Variants in ADAM10 observed in about 807,000 individuals in gnomAD.
The protein encoded by ADAM10 is ADAM metallopeptidase domain 10.
Under a neutral mutation model 90.1 loss-of-function variants are expected in ADAM10, and 17 were observed. That is an observed-to-expected ratio of 0.19 (90% CI 0.13 to 0.28). The LOEUF is 0.28. ADAM10 is among the 10% of genes least tolerant of loss of function. The probability of loss-of-function intolerance (pLI) is 1.00; values close to 1 mark genes in which losing one functional copy is unlikely to be tolerated. For synonymous variants in ADAM10, 310 were observed against 298.6 expected, an observed-to-expected ratio of 1.04 and a Z score of -0.40; for missense variants, 610 against 914.3, an observed-to-expected ratio of 0.67 and a Z score of 4.29.
At chr15:58,660,957 G>T (rs1398849053) in intron 5 of ADAM10, among the ~76,000 whole-genome samples, 1 of 152,210 alleles carries the variant, frequency 6.6e-6, no homozygotes, top group African/African-American at 2.4e-5. Context: ...ACTTACAAAA[G>T]CAAACATCTG....
chr15:58,729,334 T>C (rs1008523871), intron 1 of ADAM10, among the ~76,000 whole-genome samples: 1 of 152,250 alleles, frequency 6.6e-6, no homozygotes, highest in Non-Finnish European at 1.5e-5. Flanking sequence ...TTAAATCTTG[T>C]TCCGTATCTA....
intron 2 of ADAM10, among the ~76,000 whole-genome samples, chr15:58,700,524 A>T (rs192973758): frequency 6.6e-6 from 1 of 152,324 alleles, no homozygotes; most frequent in East Asian, 1.9e-4. Flanking sequence ...AAAACAAATG[A>T]AACGAATGAA....
At chr15:58,717,763 T>C (rs372164405) in intron 1 of ADAM10, 36 bp from the exon 2 acceptor site, 5 of 1,596,604 alleles carry the variant, frequency 3.1e-6, no homozygotes, top group Non-Finnish European at 4.3e-6. Context: ...ATTAGTATCA[T>C]CTTGAAGACC....
rs1894807042 is a variant in ADAM10 at position 58,590,742 on chromosome 15, A to T, written c.*6805T>A. The T allele has an allele frequency of 6.6e-6, 1 of 152,248 alleles. No individual in the cohort carries two copies. Among genetic ancestry groups the T allele is most frequent in the Non-Finnish European group, 1.5e-5 (1 of 68,046 alleles). 9.4% of individuals were successfully genotyped at this position (152,248 alleles called of 1,614,324 possible). A position where few individuals can be genotyped will look rare whatever the true frequency, so the allele number is the denominator to read the frequency against. On this transcript the variant is annotated 3_prime_UTR_variant, in exon 16 of 16. Coordinates refer to ENST00000260408, the MANE Select transcript of ADAM10 (RefSeq NM_001110.4). ...CCCATACCCAAAGGGCAAGGGAAGA[A>T]AACGATAATAAAATATTCATTTAAA... is the stretch of plus-strand genomic sequence containing the variant.
rs921458641 is a variant in ADAM10, at chr15:58,704,903, A to G, written c.206+12674T>C. Among the ~76,000 whole-genome samples, 5 of 152,234 alleles carry G rather than the reference A, an allele frequency of 3.3e-5. No homozygotes were observed. The East Asian group carries it at 9.6e-4, about 29-fold the overall frequency. The stretch of plus-strand genomic sequence containing the variant: ...GCATATTGCTCTTTCTACTGTATCA[A>G]GAATGCCTCTCAAGCATATGATGGA... On this transcript the variant is annotated intron_variant, in intron 2 of 15. Coordinates refer to ENST00000260408, the MANE Select transcript of ADAM10 (RefSeq NM_001110.4).
At chr15:58,683,026 C>T (rs562122021) in intron 2 of ADAM10, among the ~76,000 whole-genome samples, 2 of 152,226 alleles carry the variant, frequency 1.3e-5, no homozygotes, top group South Asian at 4.2e-4. Flanking sequence ...AATTTACTAG[C>T]TCAGGTTCCT....
chr15:58,663,418 G>C (rs1380465136), intron 5 of ADAM10, among the ~76,000 whole-genome samples: 1 of 152,082 alleles, frequency 6.6e-6, no homozygotes, highest in Admixed American at 6.5e-5. Context: ...TATTCCGCTA[G>C]TTAATTTGTC....
chr15:58,671,794 T>C (rs1420217852), intron 4 of ADAM10, among the ~76,000 whole-genome samples: 1 of 152,166 alleles, frequency 6.6e-6, no homozygotes, highest in Non-Finnish European at 1.5e-5. Context: ...TCAAAATCAA[T>C]GATACCAAAA....
intron 1 of ADAM10, among the ~76,000 whole-genome samples, chr15:58,723,300 C>T (rs779349396): frequency 4.6e-5 from 7 of 151,858 alleles, no homozygotes; most frequent in African/African-American, 7.3e-5. Context: ...ACTGCAGAAA[C>T]GTGAATAAAA....
chr15:58,688,454 AC>A (rs1897669551), intron 2 of ADAM10, among the ~76,000 whole-genome samples: 1 of 151,716 alleles, frequency 6.6e-6, no homozygotes, highest in Non-Finnish European at 1.5e-5. Context: ...ATTAAAAAAA[AC>A]AAGGGGTAAA....
At chr15:58,653,586 CT>C (rs1430001167) in intron 5 of ADAM10, among the ~76,000 whole-genome samples, 1 of 152,098 alleles carries the variant, frequency 6.6e-6, no homozygotes, top group East Asian at 1.9e-4. Context: ...GATGAATGAT[CT>C]TTTTAATGAA....
At chr15:58,633,841 GTCC>G (rs1896171364) in intron 8 of ADAM10, among the ~76,000 whole-genome samples, 1 of 148,870 alleles carries the variant, frequency 6.7e-6, no homozygotes, top group Non-Finnish European at 1.5e-5. Flanking sequence ...ATGATTCCCT[GTCC>G]TGAGATATGA....
intron 2 of ADAM10, chr15:58,693,019 G>T: frequency 1.3e-6 from 1 of 782,278 alleles, no homozygotes; most frequent in Non-Finnish European, 2.3e-6. Context: ...GGAAGGGTCT[G>T]TCAGGCTCTC....
chr15:58,690,162 A>T (rs1897738833), intron 2 of ADAM10, among the ~76,000 whole-genome samples: 1 of 152,214 alleles, frequency 6.6e-6, no homozygotes, highest in African/African-American at 2.4e-5. Context: ...CATTAGGTAC[A>T]GAAAAAGCAT....
intron 12 of ADAM10, chr15:58,611,311 G>A: frequency 1.8e-6 from 1 of 553,212 alleles, no homozygotes; most frequent in Non-Finnish European, 3.2e-6. Context: ...AAGAAAGATA[G>A]TAAATCTTTT....
At chr15:58,733,890 T>C (rs947295600) in intron 1 of ADAM10, among the ~76,000 whole-genome samples, 4 of 147,884 alleles carry the variant, frequency 2.7e-5, no homozygotes, top group Admixed American at 6.8e-5. Context: ...AGAATATCTT[T>C]AGTTTTTCAT....
At chr15:58,693,118 A>G in intron 2 of ADAM10, 2 of 739,702 alleles carry the variant, frequency 2.7e-6, no homozygotes, top group Non-Finnish European at 5.1e-6. Flanking sequence ...ATTGATTATG[A>G]GAGACATGAG....
chr15:58,682,337 G>A, intron 2 of ADAM10, 23 bp from the exon 3 acceptor site: 1 of 1,601,822 alleles, frequency 6.2e-7, no homozygotes, highest in South Asian at 1.1e-5. Context: ...ATGGGAAGGG[G>A]GAACAACTGA....
At chr15:58,742,291 C>T (rs1216546083) in intron 1 of ADAM10, among the ~76,000 whole-genome samples, 2 of 152,114 alleles carry the variant, frequency 1.3e-5, no homozygotes, top group African/African-American at 2.4e-5. Context: ...ATTTTTCAAT[C>T]TTATGATGGG....
Sources: allele counts gnomAD v4.1 joint callset (sites outside exome capture counted in the v4.1 genomes callset), GRCh38; gene constraint gnomAD v4.1.1; transcripts MANE v1.5; gene names NCBI Gene and HGNC (gene_info 2026-07-23, HGNC 2026-07-21).